The following TMEM74 variants were observed in gnomAD, a reference collection of about 807,000 sequenced individuals.
The protein encoded by TMEM74 is transmembrane protein 74.
TMEM74 carries 13 observed loss-of-function variants against 18.1 expected under a neutral mutation model. That is an observed-to-expected ratio of 0.72 (90% CI 0.47 to 1.14). TMEM74 has a LOEUF of 1.14. Ranked by LOEUF, TMEM74 falls within the 50% of genes most tolerant of loss-of-function variation. The pLI, the probability that TMEM74 is intolerant of heterozygous loss-of-function variation, is 0.00. For synonymous variants in TMEM74, 159 were observed against 146.6 expected, an observed-to-expected ratio of 1.08 and a Z score of -0.61; for missense variants, 372 against 375.9, an observed-to-expected ratio of 0.99 and a Z score of 0.09.
intron 2 of TMEM74, among the ~76,000 whole-genome samples, chr8:108,640,769 T>C (rs939324609): frequency 6.6e-6 from 1 of 152,152 alleles, no homozygotes; most frequent in African/African-American, 2.4e-5. Flanking sequence ...TATCTTGGGA[T>C]AATGACCCCT....
intron 1 of TMEM74, among the ~76,000 whole-genome samples, chr8:108,768,858 G>A (rs570312216): frequency 6.6e-6 from 1 of 152,210 alleles, no homozygotes; most frequent in Non-Finnish European, 1.5e-5. Context: ...AATTCCAAGG[G>A]GCATGCCTTC....
At chr8:108,642,153 C>A (rs543422157) in intron 2 of TMEM74, among the ~76,000 whole-genome samples, 1 of 152,106 alleles carries the variant, frequency 6.6e-6, no homozygotes, top group South Asian at 2.1e-4. Context: ...AATTCTAGCA[C>A]TTTGGGAGGC....
At chr8:108,646,418 C>T (rs1812721016) in intron 2 of TMEM74, among the ~76,000 whole-genome samples, 1 of 152,002 alleles carries the variant, frequency 6.6e-6, no homozygotes, top group South Asian at 2.1e-4. Context: ...AGTGTTGTCA[C>T]CAAGATTAAA....
At chr8:108,707,671 A>T (rs746250581) in intron 1 of TMEM74, among the ~76,000 whole-genome samples, 1 of 152,202 alleles carries the variant, frequency 6.6e-6, no homozygotes, top group Admixed American at 6.5e-5. Flanking sequence ...GCCTTACTTT[A>T]CATCGCACAC....
intron 1 of TMEM74, among the ~76,000 whole-genome samples, chr8:108,678,557 G>A (rs1207035084): frequency 6.7e-6 from 1 of 148,448 alleles, no homozygotes; most frequent in South Asian, 2.1e-4. Context: ...ATTTTTAGTA[G>A]AGACAAGGTC....
Position 108,738,659 on chromosome 8 carries a change from G to T in TMEM74, n.119+48817C>A, listed in dbSNP as rs192195567. On this transcript the variant is annotated intron_variant and non_coding_transcript_variant, in intron 1 of 3. Transcript: ENST00000518838. Reference sequence around the variant, plus strand: ...AAGGGACAGAGCATCCTGGCCCATTGATGGAGCTTCTGCATCAGCCCTGTA... The same window carrying T: ...AAGGGACAGAGCATCCTGGCCCATTTATGGAGCTTCTGCATCAGCCCTGTA... Among the ~76,000 whole-genome samples the T allele has an allele frequency of 7.2e-5, 11 of 152,262 alleles. No individual in the cohort carries two copies. In the East Asian group the frequency reaches 2.1e-3, roughly 29 times the overall value.
intron 1 of TMEM74, among the ~76,000 whole-genome samples, chr8:108,686,126 G>T (rs1324660256): frequency 1.3e-5 from 2 of 152,068 alleles, no homozygotes; most frequent in Non-Finnish European, 2.9e-5. Flanking sequence ...ACAAAAAAAT[G>T]CAAGAATATC....
At chr8:108,633,853 A>G (rs1278988286) in intron 2 of TMEM74, among the ~76,000 whole-genome samples, 1 of 152,000 alleles carries the variant, frequency 6.6e-6, no homozygotes, top group Admixed American at 6.6e-5. Flanking sequence ...TTGCCATGTC[A>G]TGAGGCATAA....
chr8:108,671,607 C>T (rs1813005813), intron 1 of TMEM74, among the ~76,000 whole-genome samples: 1 of 152,038 alleles, frequency 6.6e-6, no homozygotes, highest in Admixed American at 6.6e-5. Context: ...CTGATGTTGT[C>T]ACTCTGTGGT....
intron 1 of TMEM74, among the ~76,000 whole-genome samples, chr8:108,660,344 A>G (rs944576115): frequency 3.3e-5 from 5 of 152,184 alleles, no homozygotes; most frequent in African/African-American, 1.2e-4. Context: ...GATTCCTTCC[A>G]TTGAATGGGC....
In TMEM74 at chr8:108,783,369, G is replaced by A. The variant is rs963717909; in HGVS notation, c.*812C>T. On this transcript the variant is annotated 3_prime_UTR_variant, in exon 2 of 2. Coordinates refer to ENST00000297459, the MANE Select transcript of TMEM74 (RefSeq NM_153015.3). ...ATGCCTTGCCTCTTGCTGCTGGTGTGAGAACCAGCAGACTTCAAGAGCACA... is the reference window on the plus strand; with the variant it reads ...ATGCCTTGCCTCTTGCTGCTGGTGTAAGAACCAGCAGACTTCAAGAGCACA... Among the ~76,000 whole-genome samples, 13 of 152,160 alleles carry A rather than the reference G, an allele frequency of 8.5e-5. No homozygotes were observed. The highest frequency in any genetic ancestry group is 3.1e-4 in the African/African-American group (13 of 41,440).
chr8:108,640,186 G>A lies in TMEM74; in HGVS notation n.264+15107C>T, dbSNP rs370412598. ...CTTGCTCTATCGCCCAGGCTGGAGTGCAGTAGTGTGATCTCGGCTCTCTCT... is the reference window on the plus strand; with the variant it reads ...CTTGCTCTATCGCCCAGGCTGGAGTACAGTAGTGTGATCTCGGCTCTCTCT... On this transcript the variant is annotated intron_variant and non_coding_transcript_variant, in intron 2 of 3. Coordinates refer to the TMEM74 transcript ENST00000518838. Among the ~76,000 whole-genome samples the A allele has an allele frequency of 1.8e-4, 26 of 144,248 alleles. No individual in the cohort carries two copies. The East Asian group carries it at 2.7e-3, about 15-fold the overall frequency. The allele number at this position is 144,248 out of a possible 152,430, so 94.6% of individuals were successfully genotyped here.
chr8:108,722,461 A>G (rs1454416934), intron 1 of TMEM74, among the ~76,000 whole-genome samples: 9 of 152,148 alleles, frequency 5.9e-5, no homozygotes, highest in Admixed American at 5.9e-4. Context: ...GCCACCAAAA[A>G]CTCACCCGAT....
intron 2 of TMEM74, among the ~76,000 whole-genome samples, chr8:108,636,943 A>G (rs1812612861): frequency 6.6e-6 from 1 of 152,078 alleles, no homozygotes; most frequent in Admixed American, 6.6e-5. Context: ...TGATCGGTCA[A>G]GTCAAACCCA....
chr8:108,711,393 C>G lies in TMEM74; in HGVS notation n.120-55956G>C, dbSNP rs1406570672. 3.3e-5 allele frequency among the ~76,000 whole-genome samples: 5 copies of G among 152,342 alleles called. No homozygotes were observed. The East Asian group carries it at 9.6e-4, about 29-fold the overall frequency. ...TTTTATTCCAAAACACTCTCCCTGT[C>G]TTCTACTTATAGCCCTACTTCATCC... On this transcript the variant is annotated intron_variant and non_coding_transcript_variant, in intron 1 of 3. Coordinates refer to the TMEM74 transcript ENST00000518838.
intron 1 of TMEM74, among the ~76,000 whole-genome samples, chr8:108,736,598 G>A (rs60518395): frequency 0.021 from 3,172 of 152,090 alleles, 118 homozygotes; most frequent in African/African-American, 0.072. Context: ...GCAAGTTGAT[G>A]AGCAGAATTA....
At chr8:108,611,096 G>C (rs1388260691) in intron 2 of TMEM74, among the ~76,000 whole-genome samples, 1 of 152,166 alleles carries the variant, frequency 6.6e-6, no homozygotes, top group Admixed American at 6.5e-5. Context: ...CTATTATCCA[G>C]AGCAGTCAAT....
intron 1 of TMEM74, among the ~76,000 whole-genome samples, chr8:108,660,204 T>C (rs916885602): frequency 6.6e-6 from 1 of 152,166 alleles, no homozygotes; most frequent in Admixed American, 6.6e-5. Context: ...TCACCAGTCA[T>C]CAAAGACTGG....
chr8:108,621,026 C>T (rs3019380), intron 2 of TMEM74, among the ~76,000 whole-genome samples: 33,133 of 151,916 alleles, frequency 0.22, 3,611 homozygotes, highest in East Asian at 0.27. Flanking sequence ...GTAGAGTTGG[C>T]ATCAAGGAAA....
Sources: allele counts gnomAD v4.1 joint callset (sites outside exome capture counted in the v4.1 genomes callset), GRCh38; gene constraint gnomAD v4.1.1; transcripts MANE v1.5; gene names NCBI Gene and HGNC (gene_info 2026-07-23, HGNC 2026-07-21).